ENOX2: variants seen among roughly 807,000 people sequenced by gnomAD.
ENOX2 encodes the protein APK1 antigen.
ENOX2 carries 36 observed loss-of-function variants against 45.0 expected under a neutral mutation model. The observed-to-expected ratio is 0.80, with a 90% CI of 0.61 to 1.06. ENOX2 has a LOEUF of 1.06. Ranked by LOEUF, ENOX2 falls within the 50% of genes least tolerant of loss-of-function variation. The pLI is 0.00. For synonymous variants in ENOX2, 174 were observed against 152.3 expected (o/e 1.14, Z -1.05); for missense variants, 423 against 462.5 (o/e 0.91, Z 0.78).
At position 130,667,742 on chromosome X, in the gene ENOX2, T is replaced by C; in HGVS notation, c.695A>G (p.Asp232Gly). Reference sequence around the variant, plus strand: ...TACAGCTTCTGAGAATTTGGAATCATCTGAAAAAAATATATTTTTATAACC... The same window carrying C: ...TACAGCTTCTGAGAATTTGGAATCACCTGAAAAAAATATATTTTTATAACC... ...ECSIVAEKLKDDSKFSEAVQT... is the reference protein window; with the variant it reads ...ECSIVAEKLKGDSKFSEAVQT... The change falls in exon 8 of 15, where the codon GAT becomes GGT. Residue 232 changes from aspartate (D) to glycine (G), a missense_variant and splice_region_variant. By Grantham distance (94) the Asp-to-Gly change is moderately conservative. Transcript: ENST00000394363. 8.4e-7 allele frequency: 1 copy of C among 1,183,876 alleles called. No individual in the cohort carries two copies. The highest frequency in any genetic ancestry group is 1.8e-5 in the South Asian group (1 of 54,394).
intron 3 of ENOX2, among the ~76,000 whole-genome samples, chrX:130,763,302 G>A (rs1255059803): frequency 9.0e-6 from 1 of 111,189 alleles, no homozygotes; most frequent in African/African-American, 3.3e-5. Flanking sequence ...GATATCTGAG[G>A]GAGGTAGTCT....
intron 2 of ENOX2, among the ~76,000 whole-genome samples, chrX:130,837,274 T>A (rs1230513345): frequency 1.8e-5 from 2 of 111,757 alleles, no homozygotes; most frequent in Admixed American, 9.5e-5. Context: ...GGTGGCCCAG[T>A]GCATTAACTT....
At chrX:130,781,166 A>G (rs757506999) in intron 3 of ENOX2, among the ~76,000 whole-genome samples, 1 of 112,200 alleles carries the variant, frequency 8.9e-6, no homozygotes, top group East Asian at 2.8e-4. Flanking sequence ...GACTCCTTGT[A>G]TAGTAAAATC....
intron 2 of ENOX2, among the ~76,000 whole-genome samples, chrX:130,846,603 C>G (rs985247487): frequency 1.8e-5 from 2 of 112,406 alleles, no homozygotes; most frequent in Non-Finnish European, 1.9e-5. Context: ...TCCCAAAGTG[C>G]TGGGATTACA....
intron 2 of ENOX2, among the ~76,000 whole-genome samples, chrX:130,791,576 G>A (rs1202280427): frequency 2.7e-5 from 3 of 111,848 alleles, no homozygotes; most frequent in Non-Finnish European, 5.6e-5. Flanking sequence ...TTTGACTTAT[G>A]ATATTTTCAA....
intron 2 of ENOX2, among the ~76,000 whole-genome samples, chrX:130,868,476 C>T (rs1002219679): frequency 9.0e-6 from 1 of 111,478 alleles, no homozygotes; most frequent in Non-Finnish European, 1.9e-5. Flanking sequence ...TTGTTTTGAC[C>T]GCTCAGACTC....
chrX:130,722,949 G>A (rs2038517929), intron 3 of ENOX2, among the ~76,000 whole-genome samples: 1 of 112,338 alleles, frequency 8.9e-6, no homozygotes, highest in African/African-American at 3.2e-5. Context: ...CTGACAACTA[G>A]AGAGACCCTT....
At chrX:130,660,000 C>G (rs922988185) in intron 9 of ENOX2, among the ~76,000 whole-genome samples, 4 of 111,950 alleles carry the variant, frequency 3.6e-5, no homozygotes, top group Non-Finnish European at 7.5e-5. Context: ...ATATAACAGA[C>G]CTATGAACAA....
At chrX:130,633,221 G>C (rs181418098) in intron 12 of ENOX2, among the ~76,000 whole-genome samples, 4 of 111,768 alleles carry the variant, frequency 3.6e-5, no homozygotes, top group Admixed American at 2.8e-4. Context: ...TCACCCTGTA[G>C]CTTACTGTCA....
At chrX:130,630,595 C>G (rs964290333) in intron 13 of ENOX2, among the ~76,000 whole-genome samples, 6 of 111,598 alleles carry the variant, frequency 5.4e-5, no homozygotes, top group Non-Finnish European at 9.4e-5. Context: ...TTCCCAGTAC[C>G]TTGCTCTATA....
At chrX:130,627,035 C>G (rs1485990597) in intron 14 of ENOX2, among the ~76,000 whole-genome samples, 1 of 111,501 alleles carries the variant, frequency 9.0e-6, no homozygotes, top group Non-Finnish European at 1.9e-5. Flanking sequence ...GCACTTACCC[C>G]TGCTCCAGAT....
chrX:130,850,168 A>G lies in ENOX2; in HGVS notation c.-183+51516T>C, dbSNP rs927917177. Among the ~76,000 whole-genome samples, 4 of 112,058 alleles carry G rather than the reference A, an allele frequency of 3.6e-5. No homozygotes were observed. In the East Asian group the frequency reaches 8.4e-4, roughly 23 times the overall value. ...GAAAGCACATGACAGGATTTCTACC[A>G]TAGAAGAGCTCACCATCTTTTTGGG... On this transcript the variant is annotated intron_variant, in intron 2 of 14. Coordinates refer to ENST00000394363, the MANE Select transcript of ENOX2 (RefSeq NM_006375.4).
At chrX:130,667,405 G>A in intron 8 of ENOX2, 125 bp downstream of exon 8, 1 of 565,579 alleles carries the variant, frequency 1.8e-6, no homozygotes, top group Non-Finnish European at 3.0e-6. Context: ...AGAGCACAAG[G>A]CAGTGAAAAA....
At chrX:130,854,435 G>A (rs575688034) in intron 2 of ENOX2, among the ~76,000 whole-genome samples, 1 of 111,480 alleles carries the variant, frequency 9.0e-6, no homozygotes, top group Non-Finnish European at 1.9e-5. Context: ...CAGATCTAAC[G>A]TTTGTATGAC....
intron 2 of ENOX2, among the ~76,000 whole-genome samples, chrX:130,885,718 T>G: frequency 8.9e-6 from 1 of 112,330 alleles, no homozygotes; most frequent in Non-Finnish European, 1.9e-5. Context: ...TTCCCAGATA[T>G]AGTAATTCCA....
At position 130,663,062 on chromosome X, in the gene ENOX2, T is replaced by G. The variant is rs764132711; in HGVS notation, c.1014+2581A>C. 8.0e-5 allele frequency among the ~76,000 whole-genome samples: 9 copies of G among 112,513 alleles called. No individual in the cohort carries two copies. The East Asian group carries it at 2.5e-3, about 31-fold the overall frequency. On this transcript the variant is annotated intron_variant, in intron 9 of 14. Transcript: ENST00000394363. ...AGGTCCTAAGGAGTGTCCAGCTCAC[T>G]GGTACAGCTATCTCTACTGTGAGTC...
At chrX:130,638,256 C>T (rs1194888627) in intron 10 of ENOX2, among the ~76,000 whole-genome samples, 6 of 108,922 alleles carry the variant, frequency 5.5e-5, no homozygotes, top group African/African-American at 1.3e-4. Flanking sequence ...TCAGTAGAGG[C>T]GGGGTTTTGC....
At chrX:130,628,499 C>T (rs1393782703) in intron 13 of ENOX2, among the ~76,000 whole-genome samples, 1 of 112,762 alleles carries the variant, frequency 8.9e-6, no homozygotes, top group East Asian at 2.7e-4. Context: ...ACTTTAGCCT[C>T]TTAGGTGTTA....
intron 3 of ENOX2, among the ~76,000 whole-genome samples, chrX:130,720,008 T>C (rs1025523275): frequency 8.9e-6 from 1 of 112,420 alleles, no homozygotes; most frequent in African/African-American, 3.2e-5. Flanking sequence ...ATGTTCTGAA[T>C]ATGTTCAAAC....
Sources: allele counts gnomAD v4.1 joint callset (sites outside exome capture counted in the v4.1 genomes callset), GRCh38; gene constraint gnomAD v4.1.1; transcripts MANE v1.5; gene names NCBI Gene and HGNC (gene_info 2026-07-23, HGNC 2026-07-21).